The following PXN variants were observed in gnomAD, a reference collection of about 807,000 sequenced individuals.
The protein encoded by PXN is testicular tissue protein Li 134.
In PXN, 61 loss-of-function variants were observed where a neutral mutation model predicts 103.6. That is an observed-to-expected ratio of 0.59 (90% CI 0.48 to 0.73). The LOEUF (loss-of-function observed/expected upper bound fraction) is 0.73, where lower values mean the gene tolerates loss of function less well. Among genes scored for constraint, PXN ranks in the 30% least tolerant of loss-of-function variants. The pLI is 0.00. For synonymous variants in PXN, 562 were observed against 607.8 expected, an observed-to-expected ratio of 0.92 and a Z score of 1.11; for missense variants, 1,274 against 1,460.3, an observed-to-expected ratio of 0.87 and a Z score of 2.08.
rs1887469651 is a variant in PXN, at chr12:120,228,965, C to A, written c.14-4588G>T. Among the ~76,000 whole-genome samples, 1 of 152,208 alleles carries A rather than the reference C, an allele frequency of 6.6e-6. No homozygotes were observed. The highest frequency in any genetic ancestry group is 2.1e-4 in the South Asian group (1 of 4,832). ...CCCTTCCCTGGGCCTCAGCAACTGA[C>A]TGAGCGTAATCCTTACAACCGGTGG... On this transcript the variant is annotated intron_variant, in intron 1 of 14. Transcript: ENST00000637617. This position sits in a 1 kb window ranked among gnomAD's most constrained non-coding sequence, Gnocchi z 4.7.
intron 1 of PXN, chr12:120,226,234 G>A: frequency 7.8e-7 from 1 of 1,275,360 alleles, no homozygotes; most frequent in Non-Finnish European, 1.0e-6. Flanking sequence ...TCCACCATGG[G>A]CAGGGCCAGC....
At chr12:120,261,905 C>T (rs1418928075) in intron 1 of PXN, among the ~76,000 whole-genome samples, 2 of 152,214 alleles carry the variant, frequency 1.3e-5, no homozygotes, top group Non-Finnish European at 2.9e-5. Context: ...AAGAATCAAA[C>T]CCACCAAGGT....
Position 120,242,392 on chromosome 12 carries a change from G to A in PXN, c.14-18015C>T, listed in dbSNP as rs187486570. 3.9e-3 allele frequency among the ~76,000 whole-genome samples: 587 copies of A among 151,366 alleles called. 6 individuals carry two copies. The highest frequency in any genetic ancestry group is 4.1e-3 in the Non-Finnish European group (278 of 67,756). Reference sequence around the variant, plus strand: ...AAAGCCAGCCCCATCTCTGACAGCCGTCCTCCAGGAAAAAGAGGGGTCAGC... The same window carrying A: ...AAAGCCAGCCCCATCTCTGACAGCCATCCTCCAGGAAAAAGAGGGGTCAGC... On this transcript the variant is annotated intron_variant, in intron 1 of 14. Coordinates refer to ENST00000637617, the MANE Select transcript of PXN (RefSeq NM_001385981.1).
At position 120,215,603 on chromosome 12, in the gene PXN, C is replaced by A. The variant is rs755011394; in HGVS notation, c.2360G>T (p.Arg787Leu). 1.4e-5 allele frequency: 23 copies of A among 1,610,648 alleles called. No individual in the cohort carries two copies. Among genetic ancestry groups the A allele is most frequent in the Non-Finnish European group, 1.9e-5 (22 of 1,178,782 alleles). Reference sequence around the variant, plus strand: ...TCCGGGGCTGCTCCGCCCGCCGTCCCGAGGCCAGCCGGCCGCCCAGCACCG... The same window carrying A: ...TCCGGGGCTGCTCCGCCCGCCGTCCAGAGGCCAGCCGGCCGCCCAGCACCG... ...GERCWAAGWPRDGGRSSPGGQ... is the reference protein window; with the variant it reads ...GERCWAAGWPLDGGRSSPGGQ... Residue 787 changes from arginine to leucine, a missense_variant, in exon 10 of 15, where the codon CGG becomes CTG. Arg to Leu is a moderately radical substitution (Grantham distance 102, BLOSUM62 -2). This residue lies in a region of PXN where 1,178 missense variants were observed against 1,309.0 expected (regional missense o/e 0.90). Transcript: ENST00000637617. The surrounding 1 kb of genome is among the most constrained non-coding windows in gnomAD (Gnocchi z 4.9).
Position 120,220,132 on chromosome 12 carries a change from G to C in PXN, c.832-41C>G. 2.5e-6 allele frequency: 2 copies of C among 815,522 alleles called. No homozygotes were observed. The highest frequency in any genetic ancestry group is 1.9e-6 in the Non-Finnish European group (1 of 534,592). 50.5% of individuals were successfully genotyped at this position (815,522 alleles called of 1,614,324 possible). Reference sequence around the variant, plus strand: ...ATGCAGAGGGGAGAGGAGAGAGAGAGATGAGGGGAGTGAGGACGGCTGCAC... The same window carrying C: ...ATGCAGAGGGGAGAGGAGAGAGAGACATGAGGGGAGTGAGGACGGCTGCAC... On this transcript the variant is annotated intron_variant, in intron 6 of 14. Coordinates refer to ENST00000637617, the MANE Select transcript of PXN (RefSeq NM_001385981.1). The surrounding 1 kb of genome is among the most constrained non-coding windows in gnomAD (Gnocchi z 6.1).
Position 120,222,700 on chromosome 12 carries a change from C to T in PXN, c.544G>A (p.Gly182Ser). 1 of 1,609,774 alleles carries T rather than the reference C, an allele frequency of 6.2e-7. No homozygotes were observed. Among genetic ancestry groups the T allele is most frequent in the Non-Finnish European group, 8.5e-7 (1 of 1,178,250 alleles). The change falls in exon 5 of 15, where the codon GGT (glycine) becomes AGT (serine). Residue 182 changes from glycine to serine, a missense_variant. Gly to Ser is a moderately conservative substitution (Grantham distance 56, BLOSUM62 0). Transcript: ENST00000637617. This position sits in a 1 kb window ranked among gnomAD's most constrained non-coding sequence, Gnocchi z 4.7. ...PLPGALSPLY[G>S]VPETNSPLGG... ...AAGGGGCTGTTAGTCTCTGGGACAC[C>T]ATAGAGGGGGCTCAGGGCCCCAGGA...
In PXN at chr12:120,222,512, C is replaced by T; in HGVS notation, c.695+37G>A. The T allele has an allele frequency of 6.4e-7, 1 of 1,553,372 alleles. No individual in the cohort carries two copies. The highest frequency in any genetic ancestry group is 8.7e-7 in the Non-Finnish European group (1 of 1,148,624). On this transcript the variant is annotated intron_variant, in intron 5 of 14. Transcript: ENST00000637617. The surrounding 1 kb of genome is among the most constrained non-coding windows in gnomAD (Gnocchi z 4.7). Reference sequence around the variant, plus strand: ...CTGGACCCGGGGCAGGCTGGGCCAGCCCTTCCCCACCTGGGGAGGGCCCAG... The same window carrying T: ...CTGGACCCGGGGCAGGCTGGGCCAGTCCTTCCCCACCTGGGGAGGGCCCAG...
intron 1 of PXN, among the ~76,000 whole-genome samples, chr12:120,237,114 C>T (rs1283606789): frequency 6.7e-6 from 1 of 149,164 alleles, no homozygotes; most frequent in Non-Finnish European, 1.5e-5. Context: ...TGCTTGCTTG[C>T]TTATGTATGT....
chr12:120,219,059 CTGACTGTCAG>C lies in PXN; in HGVS notation c.1716+138_1716+147del. The C allele has an allele frequency of 1.1e-6, 1 of 871,570 alleles. No individual in the cohort carries two copies. The highest frequency in any genetic ancestry group is 1.7e-6 in the Non-Finnish European group (1 of 592,608). The allele number at this position is 871,570 out of a possible 1,614,324, so 54.0% of individuals were successfully genotyped here. ...GGTCCACAGAGCCCACTGCCAAGTG[CTGACTGTCAG>C]GTCCGGCCACAGTGTCTCAGCATTT... On this transcript the variant is annotated intron_variant, in intron 7 of 14. Transcript: ENST00000637617. The surrounding 1 kb of genome is among the most constrained non-coding windows in gnomAD (Gnocchi z 6.5).
chr12:120,225,605 A>C lies in PXN; in HGVS notation c.14-1228T>G, dbSNP rs1421525735. ...GGTGTTTGCTCCAAATAACAAAGCCAGTGAGTGGCACAATTGTCTGACTCC... is the reference window on the plus strand; with the variant it reads ...GGTGTTTGCTCCAAATAACAAAGCCCGTGAGTGGCACAATTGTCTGACTCC... On this transcript the variant is annotated intron_variant, in intron 1 of 14. Coordinates refer to ENST00000637617, the MANE Select transcript of PXN (RefSeq NM_001385981.1). The surrounding 1 kb of genome is among the most constrained non-coding windows in gnomAD (Gnocchi z 4.4). Among the ~76,000 whole-genome samples, 1 of 152,194 alleles carries C rather than the reference A, an allele frequency of 6.6e-6. No individual in the cohort carries two copies. Among genetic ancestry groups the C allele is most frequent in the Non-Finnish European group, 1.5e-5 (1 of 68,026 alleles).
At position 120,212,128 on chromosome 12, in the gene PXN, G is replaced by A; in HGVS notation, c.*186C>T. The A allele has an allele frequency of 1.1e-6, 1 of 888,056 alleles. No individual in the cohort carries two copies. The highest frequency in any genetic ancestry group is 1.8e-6 in the Non-Finnish European group (1 of 548,562). The allele number at this position is 888,056 out of a possible 1,614,324, so 55.0% of individuals were successfully genotyped here. On this transcript the variant is annotated 3_prime_UTR_variant, in exon 15 of 15. Transcript: ENST00000637617. This position sits in a 1 kb window ranked among gnomAD's most constrained non-coding sequence, Gnocchi z 7.2. ...TACAGGAGGGAGGAGGGGGCCCAGA[G>A]GCTCTGGCAGGGGTGAAGACAAGCA...
chr12:120,257,255 G>T (rs951456912), intron 1 of PXN, among the ~76,000 whole-genome samples: 1 of 152,148 alleles, frequency 6.6e-6, no homozygotes, highest in Non-Finnish European at 1.5e-5. Context: ...TCTGCCAAGC[G>T]AATTCTGAAT....
intron 1 of PXN, among the ~76,000 whole-genome samples, chr12:120,235,188 T>C (rs1449652157): frequency 1.3e-5 from 2 of 151,406 alleles, no homozygotes; most frequent in South Asian, 2.1e-4. Flanking sequence ...ATCGCAACAA[T>C]AGAAGGAACT....
chr12:120,233,478 A>AT (rs1201609679), intron 1 of PXN, among the ~76,000 whole-genome samples: 1 of 151,808 alleles, frequency 6.6e-6, no homozygotes, highest in Non-Finnish European at 1.5e-5. Flanking sequence ...TAATTTTTGT[A>AT]TTTTCTTAGT....
intron 1 of PXN, among the ~76,000 whole-genome samples, chr12:120,242,862 CAGAGCGAGACTCGGGCTTTAAA>C (rs1890391562): frequency 6.8e-6 from 1 of 148,066 alleles, no homozygotes; most frequent in African/African-American, 2.5e-5. Flanking sequence ...GCCTGAGCGA[CAGAGCGAGACTCGGGCTTTAAA>C]AAAAAAAAAA....
At chr12:120,238,503 C>T (rs752036195) in intron 1 of PXN, among the ~76,000 whole-genome samples, 45 of 152,286 alleles carry the variant, frequency 3.0e-4, no homozygotes, top group South Asian at 6.2e-4. Flanking sequence ...GTACACACCT[C>T]GCCCCTGGTT....
In PXN at chr12:120,228,534, C is replaced by T. The variant is rs947598785; in HGVS notation, c.14-4157G>A. Among the ~76,000 whole-genome samples the T allele has an allele frequency of 2.0e-5, 3 of 152,236 alleles. No homozygotes were observed. Among genetic ancestry groups the T allele is most frequent in the African/African-American group, 7.2e-5 (3 of 41,464 alleles). On this transcript the variant is annotated intron_variant, in intron 1 of 14. Coordinates refer to ENST00000637617, the MANE Select transcript of PXN (RefSeq NM_001385981.1). The surrounding 1 kb of genome is among the most constrained non-coding windows in gnomAD (Gnocchi z 4.7). Reference sequence around the variant, plus strand: ...TCCCCACCAGAGGGCACCATTGGCCCGTCAGCTTCTTGCCACTGGGTAACC... The same window carrying T: ...TCCCCACCAGAGGGCACCATTGGCCTGTCAGCTTCTTGCCACTGGGTAACC...
rs752693252 is a variant in PXN at position 120,212,378 on chromosome 12, C to A, written c.3182G>T (p.Gly1061Val). ...CAFCLKQLNK[G>V]TFKEQNDKPY... ...CTTGTCGTTCTGCTCCTTGAAGGTG[C>A]CCTTGTTGAGCTGCTTGAGGCAGAA... Residue 1061 changes from glycine (G) to valine (V), a missense_variant, in exon 15 of 15, where the codon GGC (glycine) becomes GTC (valine). Around this residue, in one of 2 missense-constraint regions of PXN, gnomAD observed 96 missense variants for 151.3 expected, o/e 0.63. Transcript: ENST00000637617. The surrounding 1 kb of genome is among the most constrained non-coding windows in gnomAD (Gnocchi z 7.2). The A allele has an allele frequency of 1.9e-6, 3 of 1,613,970 alleles. No individual in the cohort carries two copies. Among genetic ancestry groups the A allele is most frequent in the Non-Finnish European group, 2.5e-6 (3 of 1,179,900 alleles).
At chr12:120,259,987 G>C (rs1384678902) in intron 1 of PXN, among the ~76,000 whole-genome samples, 2 of 152,336 alleles carry the variant, frequency 1.3e-5, no homozygotes, top group East Asian at 3.9e-4. Flanking sequence ...GGGTGCAGCG[G>C]GGCTGGGGGC....
Sources: allele counts gnomAD v4.1 joint callset (sites outside exome capture counted in the v4.1 genomes callset), GRCh38; gene constraint gnomAD v4.1.1; regional missense constraint gnomAD v4.1.1; non-coding constraint Gnocchi (gnomAD v3.1); transcripts MANE v1.5; gene names NCBI Gene and HGNC (gene_info 2026-07-23, HGNC 2026-07-21).